Variants in MYO5B observed in about 807,000 individuals in gnomAD.
MYO5B encodes the protein myosin VB.
Under a neutral mutation model 229.3 loss-of-function variants are expected in MYO5B, and 143 were observed. That is an observed-to-expected ratio of 0.62 (90% confidence interval 0.54 to 0.72). The LOEUF (loss-of-function observed/expected upper bound fraction) is 0.72, where lower values mean the gene tolerates loss of function less well. Among genes scored for constraint, MYO5B ranks in the 30% least tolerant of loss-of-function variants. The probability of loss-of-function intolerance (pLI) is 0.00; values close to 1 mark genes in which losing one functional copy is unlikely to be tolerated. For synonymous variants in MYO5B, 918 were observed against 885.2 expected, an observed-to-expected ratio of 1.04 and a Z score of -0.66; for missense variants, 2,321 against 2,331.0, an observed-to-expected ratio of 1.00 and a Z score of 0.09.
At chr18:50,031,235 G>C (rs2026385256) in intron 4 of MYO5B, among the ~76,000 whole-genome samples, 1 of 152,158 alleles carries the variant, frequency 6.6e-6, no homozygotes, top group Admixed American at 6.5e-5. Context: ...GAAGCATTGG[G>C]CAATCAGATT....
chr18:49,882,212 G>A (rs572680077), intron 22 of MYO5B, among the ~76,000 whole-genome samples: 25 of 152,190 alleles, frequency 1.6e-4, no homozygotes, highest in African/African-American at 3.1e-4. Flanking sequence ...TGGCTGATCC[G>A]TCACCATTCC....
intron 17 of MYO5B, among the ~76,000 whole-genome samples, chr18:49,924,378 G>A (rs2025107251): frequency 6.6e-6 from 1 of 152,168 alleles, no homozygotes; most frequent in South Asian, 2.1e-4. Flanking sequence ...TCTTTTTAAG[G>A]ATAGGGAAAC....
At chr18:50,178,692 C>T (rs1599081248) in intron 1 of MYO5B, among the ~76,000 whole-genome samples, 1 of 152,238 alleles carries the variant, frequency 6.6e-6, no homozygotes, top group African/African-American at 2.4e-5. Context: ...GCTCCAGACA[C>T]ATCATCATTC....
At chr18:50,053,179 C>T (rs1406413329) in intron 2 of MYO5B, among the ~76,000 whole-genome samples, 2 of 152,214 alleles carry the variant, frequency 1.3e-5, no homozygotes, top group East Asian at 3.8e-4. Context: ...GGACAAGCCA[C>T]TGCCCATGAG....
chr18:49,918,080 GGCT>G (rs2025036425), intron 17 of MYO5B, among the ~76,000 whole-genome samples: 1 of 152,194 alleles, frequency 6.6e-6, no homozygotes, highest in African/African-American at 2.4e-5. Flanking sequence ...GTGGTAACAC[GGCT>G]GCTAAGAATG....
intron 14 of MYO5B, among the ~76,000 whole-genome samples, chr18:49,943,224 G>A (rs1342849337): frequency 6.3e-5 from 7 of 111,900 alleles, no homozygotes. Context: ...TGTGGGGTGG[G>A]GGGAGGGGGG....
intron 1 of MYO5B, among the ~76,000 whole-genome samples, chr18:50,122,456 A>AAAAAAAAC (rs2032075291): frequency 2.0e-5 from 3 of 148,102 alleles, no homozygotes; most frequent in Non-Finnish European, 3.0e-5. Flanking sequence ...AAAAAAAAAA[A>AAAAAAAAC]AAAAATCAGC....
Position 49,902,832 on chromosome 18 carries a change from A to T in MYO5B, c.2573T>A (p.Val858Asp). 3 of 1,599,628 alleles carry T rather than the reference A, an allele frequency of 1.9e-6. No homozygotes were observed. Among genetic ancestry groups the T allele is most frequent in the South Asian group, 2.2e-5 (2 of 91,000 alleles). ...AMFVRRTYRQ[V>D]LMEHKATTIQ... is the part of the protein sequence containing the mutation. ...GGTGGTGGCCTTGTGCTCCATGAGGACCTGGCGGGAAACAAGGATACACAT... is the reference window on the plus strand; with the variant it reads ...GGTGGTGGCCTTGTGCTCCATGAGGTCCTGGCGGGAAACAAGGATACACAT... The change falls in exon 21 of 40, where the codon GTC becomes GAC. Residue 858 changes from valine (V) to aspartate (D), a missense_variant and splice_region_variant. Physicochemically the swap from Val to Asp is radical, Grantham distance 152. This residue lies in a region of MYO5B where 2,113 missense variants were observed against 2,044.7 expected (regional missense o/e 1.03). Transcript: ENST00000285039.
chr18:49,847,422 A>G, intron 32 of MYO5B, 133 bp from the exon 33 acceptor site: 1 of 1,147,654 alleles, frequency 8.7e-7, no homozygotes, highest in Non-Finnish European at 1.3e-6. Context: ...GGAGGATGGC[A>G]CCTGGGGCAG....
intron 1 of MYO5B, among the ~76,000 whole-genome samples, chr18:50,106,594 C>A (rs1357257060): frequency 2.0e-5 from 3 of 152,174 alleles, no homozygotes; most frequent in African/African-American, 7.2e-5. Flanking sequence ...GAATGCTCGC[C>A]CACCCTATTT....
intron 1 of MYO5B, among the ~76,000 whole-genome samples, chr18:50,153,246 TA>T (rs1351517732): frequency 6.6e-6 from 1 of 152,126 alleles, no homozygotes; most frequent in East Asian, 1.9e-4. Flanking sequence ...AGATTGAAAA[TA>T]AGGATGTCTT....
At chr18:50,120,613 G>A (rs1238256438) in intron 1 of MYO5B, among the ~76,000 whole-genome samples, 1 of 152,168 alleles carries the variant, frequency 6.6e-6, no homozygotes, top group Non-Finnish European at 1.5e-5. Context: ...CAGCAATCCA[G>A]GGTCCCAGCC....
rs12455819 is a variant in MYO5B at position 50,189,242 on chromosome 18, G to A, written c.27+5525C>T. Among the ~76,000 whole-genome samples, 49 of 152,298 alleles carry A rather than the reference G, an allele frequency of 3.2e-4. No individual in the cohort carries two copies. The South Asian group carries it at 0.01, about 32-fold the overall frequency. On this transcript the variant is annotated intron_variant, in intron 1 of 39. Coordinates refer to ENST00000285039, the MANE Select transcript of MYO5B (RefSeq NM_001080467.3). ...CTGAGACAAGGATTCCTGCTCAAGA[G>A]ACTTGTAAGGCAGTGTTTTCCGGAA...
chr18:49,996,313 C>G (rs1202005131), intron 5 of MYO5B, among the ~76,000 whole-genome samples: 2 of 152,106 alleles, frequency 1.3e-5, no homozygotes, highest in African/African-American at 4.8e-5. Flanking sequence ...ATCAGCAATT[C>G]TACTTCTAGG....
intron 14 of MYO5B, among the ~76,000 whole-genome samples, chr18:49,943,843 G>T (rs945189122): frequency 6.6e-6 from 1 of 152,122 alleles, no homozygotes; most frequent in African/African-American, 2.4e-5. Flanking sequence ...ACAAAGATGC[G>T]ACTAAATCGG....
intron 2 of MYO5B, among the ~76,000 whole-genome samples, chr18:50,044,441 A>C (rs1006165703): frequency 6.6e-6 from 1 of 152,110 alleles, no homozygotes; most frequent in Non-Finnish European, 1.5e-5. Flanking sequence ...GGTGAAAAGG[A>C]GGCTAAATGT....
chr18:50,162,424 T>C (rs565586131), intron 1 of MYO5B, among the ~76,000 whole-genome samples: 16 of 152,308 alleles, frequency 1.1e-4, no homozygotes, highest in African/African-American at 3.8e-4. Flanking sequence ...ATCTAATTTG[T>C]TGAAAAATTT....
At chr18:50,017,726 A>G (rs2026231207) in intron 4 of MYO5B, among the ~76,000 whole-genome samples, 1 of 152,162 alleles carries the variant, frequency 6.6e-6, no homozygotes, top group African/African-American at 2.4e-5. Context: ...TCATACTTTG[A>G]GCCCATCAAA....
chr18:49,926,814 A>T (rs1463499778), intron 17 of MYO5B, among the ~76,000 whole-genome samples: 1 of 152,248 alleles, frequency 6.6e-6, no homozygotes, highest in Non-Finnish European at 1.5e-5. Flanking sequence ...ATGGGGTATA[A>T]CCACACAATG....
Sources: allele counts gnomAD v4.1 joint callset (sites outside exome capture counted in the v4.1 genomes callset), GRCh38; gene constraint gnomAD v4.1.1; regional missense constraint gnomAD v4.1.1; transcripts MANE v1.5; gene names NCBI Gene and HGNC (gene_info 2026-07-23, HGNC 2026-07-21).